Variants in NELFA observed in about 807,000 individuals in gnomAD.
NELFA encodes the protein negative elongation factor complex member A, also known as negative elongation factor A.
A neutral mutation model predicts 51.8 loss-of-function variants in NELFA; 35 were observed. The observed-to-expected ratio is 0.68, with a 90% confidence interval of 0.52 to 0.90. The LOEUF is 0.90. Ranked by LOEUF, NELFA falls within the 40% of genes least tolerant of loss-of-function variation. The pLI is 0.00. For synonymous variants in NELFA, 417 were observed against 338.4 expected, an observed-to-expected ratio of 1.23 and a Z score of -2.55; for missense variants, 658 against 746.4, an observed-to-expected ratio of 0.88 and a Z score of 1.38.
In NELFA at chr4:1,985,807, G is replaced by A. The variant is rs916515023; in HGVS notation, c.893C>T (p.Pro298Leu). ...GGACACCAGGCCGGCTGCGTAGTCC[G>A]GGGTGGCGTTCTCCACCACCGTTTC... ...KEETVVENAT[P>L]DYAAGLVSTQ... The change falls in exon 7 of 11, where the codon CCG becomes CTG. Residue 298 changes from proline (P) to leucine (L), a missense_variant. Coordinates refer to ENST00000382882, the MANE Select transcript of NELFA (RefSeq NM_005663.5). 2.5e-6 allele frequency: 4 copies of A among 1,613,116 alleles called. No individual in the cohort carries two copies. The highest frequency in any genetic ancestry group is 1.3e-5 in the African/African-American group (1 of 74,908).
At position 1,999,855 on chromosome 4, in the gene NELFA, CACTT is replaced by C. The variant is rs572639163; in HGVS notation, c.211-8144_211-8141del. Among the ~76,000 whole-genome samples the C allele has an allele frequency of 5.3e-5, 8 of 152,324 alleles. No individual in the cohort carries two copies. The South Asian group carries it at 1.7e-3, about 32-fold the overall frequency. The stretch of plus-strand genomic sequence containing the variant: ...ATACATTCTTCTCAGTGCTACGTGG[CACTT>C]ACTCTAAAATCGACCATGTAATTAA... On this transcript the variant is annotated intron_variant, in intron 1 of 10. Coordinates refer to ENST00000382882, the MANE Select transcript of NELFA (RefSeq NM_005663.5).
intron 6 of NELFA, 79 bp from the exon 7 acceptor site, chr4:1,985,943 C>G: frequency 2.2e-6 from 3 of 1,390,718 alleles, no homozygotes; most frequent in African/African-American, 1.4e-5. Context: ...GGGAATCAAA[C>G]AGCTTCCCAG....
intron 1 of NELFA, chr4:2,008,066 G>A: frequency 2.2e-6 from 1 of 456,686 alleles, no homozygotes; most frequent in Non-Finnish European, 4.4e-6. Flanking sequence ...GTGAGAACAA[G>A]AAAATCCAGT....
chr4:1,988,311 C>A (rs968510769), intron 3 of NELFA, among the ~76,000 whole-genome samples: 1 of 152,254 alleles, frequency 6.6e-6, no homozygotes, highest in Non-Finnish European at 1.5e-5. Context: ...TCCATCGACC[C>A]GGGCCTCCCC....
intron 8 of NELFA, among the ~76,000 whole-genome samples, chr4:1,984,373 C>T (rs190358310): frequency 3.3e-5 from 5 of 152,246 alleles, no homozygotes; most frequent in South Asian, 2.1e-4. Flanking sequence ...GTCCCCATAC[C>T]GTAGGCACTG....
chr4:2,007,494 C>A (rs566765683), intron 1 of NELFA, among the ~76,000 whole-genome samples: 1 of 152,306 alleles, frequency 6.6e-6, no homozygotes, highest in Non-Finnish European at 1.5e-5. Flanking sequence ...GTCACGGCGT[C>A]GACCAAAAAG....
chr4:1,986,316 TG>T lies in NELFA; in HGVS notation c.720del (p.Ile241SerfsTer14). On this transcript the variant is annotated frameshift_variant, in exon 5 of 11. Transcript: ENST00000382882. LOFTEE classifies it high-confidence loss of function. ...SVFSPTGNRT[P>X]IPPSRTLLRK... ...CGCAGCAGCGTCCTGGAAGGCGGGA[TG>T]GGGGTCCGGTTCCCTGTGGGGCTGA... 2 of 1,594,694 alleles carry T rather than the reference TG, an allele frequency of 1.3e-6. No homozygotes were observed. Among genetic ancestry groups the T allele is most frequent in the Non-Finnish European group, 1.7e-6 (2 of 1,170,770 alleles).
chr4:1,983,243 T>C lies in NELFA; in HGVS notation c.*76A>G. 6.8e-7 allele frequency: 1 copy of C among 1,479,894 alleles called. No homozygotes were observed. The highest frequency in any genetic ancestry group is 9.2e-7 in the Non-Finnish European group (1 of 1,089,372). 91.7% of individuals were successfully genotyped at this position (1,479,894 alleles called of 1,614,324 possible). On this transcript the variant is annotated 3_prime_UTR_variant, in exon 11 of 11. Coordinates refer to ENST00000382882, the MANE Select transcript of NELFA (RefSeq NM_005663.5). ...GACCTCGGGGGCCAGGTGTCCGCCA[T>C]CCGGTTACTTTAAGCTGGCAAAGCC...
At chr4:1,987,808 C>T in intron 4 of NELFA, 110 bp downstream of exon 4, 1 of 928,132 alleles carries the variant, frequency 1.1e-6, no homozygotes, top group Non-Finnish European at 1.6e-6. Context: ...AACACTGCTG[C>T]CTGAAGACCA....
intron 1 of NELFA, among the ~76,000 whole-genome samples, chr4:2,006,388 C>A (rs1388851069): frequency 1.3e-5 from 2 of 152,130 alleles, no homozygotes; most frequent in Admixed American, 6.6e-5. Flanking sequence ...CCGGGCATGT[C>A]CCTCGGGGAG....
chr4:2,006,030 T>A (rs1728701250), intron 1 of NELFA, among the ~76,000 whole-genome samples: 2 of 152,160 alleles, frequency 1.3e-5, no homozygotes, highest in Non-Finnish European at 2.9e-5. Flanking sequence ...GGGACAAGAA[T>A]AGCCATAGAT....
chr4:1,983,926 C>T lies in NELFA; in HGVS notation c.1224G>A (p.Gln408=). Reference sequence around the variant, plus strand: ...GGGCCACCATGGCAACCGGGGGTGTCTGAGTGGTAGGGGCGACAGCCGGAG... The same window carrying T: ...GGGCCACCATGGCAACCGGGGGTGTTTGAGTGGTAGGGGCGACAGCCGGAG... ...TTPPAVAPTT[Q]TPPVAMVAPQ... is the part of the protein sequence containing the mutation. The change falls in exon 9 of 11, where the codon CAG becomes CAA. Residue 408 remains glutamine, a synonymous_variant. Coordinates refer to ENST00000382882, the MANE Select transcript of NELFA (RefSeq NM_005663.5). The T allele has an allele frequency of 2.5e-6, 4 of 1,609,002 alleles. No homozygotes were observed. Among genetic ancestry groups the T allele is most frequent in the Non-Finnish European group, 3.4e-6 (4 of 1,177,876 alleles).
intron 1 of NELFA, among the ~76,000 whole-genome samples, chr4:1,992,788 G>C (rs1415310249): frequency 2.0e-5 from 3 of 152,206 alleles, no homozygotes; most frequent in Non-Finnish European, 2.9e-5. Flanking sequence ...TTGGCTCGAA[G>C]GGCAGAGATC....
intron 1 of NELFA, among the ~76,000 whole-genome samples, chr4:2,000,160 T>C (rs906720396): frequency 3.9e-5 from 6 of 152,046 alleles, no homozygotes; most frequent in Non-Finnish European, 8.8e-5. Context: ...AATGCCCATA[T>C]CAGAAAGCTA....
intron 1 of NELFA, among the ~76,000 whole-genome samples, chr4:1,998,807 A>G (rs1006085413): frequency 6.6e-6 from 1 of 152,180 alleles, no homozygotes; most frequent in Non-Finnish European, 1.5e-5. Flanking sequence ...CCCCACTAAG[A>G]CACTCCATGA....
At chr4:1,992,205 G>A (rs533621260) in intron 1 of NELFA, 1 of 226,048 alleles carries the variant, frequency 4.4e-6, no homozygotes, top group Non-Finnish European at 8.9e-6. Flanking sequence ...TGGGACCTGG[G>A]GCAGCACCCG....
intron 2 of NELFA, among the ~76,000 whole-genome samples, chr4:1,991,292 C>T (rs763763187): frequency 6.6e-5 from 10 of 152,134 alleles, no homozygotes; most frequent in African/African-American, 9.7e-5. Flanking sequence ...CGGCGAGTGG[C>T]GTGACACAGC....
chr4:1,991,737 G>A, intron 1 of NELFA, 22 bp from the exon 2 acceptor site: 1 of 1,566,822 alleles, frequency 6.4e-7, no homozygotes, highest in Non-Finnish European at 8.6e-7. Flanking sequence ...GATGCTGCCG[G>A]CGCCACCATG....
Position 1,991,583 on chromosome 4 carries a change from G to C in NELFA, c.343C>G (p.Pro115Ala), listed in dbSNP as rs767993415. ...SLNLELEEQNPNVQDILGELR... is the reference protein window; with the variant it reads ...SLNLELEEQNANVQDILGELR... The stretch of plus-strand genomic sequence containing the variant: ...TCTCCCAAAATATCCTGAACGTTGG[G>C]ATTCTGCTCCTCCAGCTCCAGGTTA... Residue 115 changes from proline (P) to alanine (A), a missense_variant, in exon 2 of 11, where the codon CCC becomes GCC. By Grantham distance (27) the Pro-to-Ala change is conservative (BLOSUM62 -1). Coordinates refer to ENST00000382882, the MANE Select transcript of NELFA (RefSeq NM_005663.5). The C allele has an allele frequency of 1.2e-6, 2 of 1,614,050 alleles. No homozygotes were observed. Among genetic ancestry groups the C allele is most frequent in the Admixed American group, 1.7e-5 (1 of 60,014 alleles).
Sources: gnomAD v4.1 joint callset for allele counts (sites outside exome capture counted in the v4.1 genomes callset) on GRCh38, gnomAD v4.1.1 for gene constraint, MANE v1.5 for transcripts, NCBI Gene and HGNC (gene_info 2026-07-23, HGNC 2026-07-21) for gene names.